Variants in GANAB observed in about 807,000 individuals in gnomAD.
GANAB encodes neutral alpha-glucosidase AB.
A neutral mutation model predicts 129.9 loss-of-function variants in GANAB; 35 were observed. That is an observed-to-expected ratio of 0.27 (90% confidence interval 0.21 to 0.36). The LOEUF is 0.36. Ranked by LOEUF, GANAB falls within the 10% of genes least tolerant of loss-of-function variation. The pLI is 1.00. For missense variants in GANAB, 939 were observed against 1,221.0 expected, an observed-to-expected ratio of 0.77 and a Z score of 3.44; for synonymous variants, 482 against 451.8, an observed-to-expected ratio of 1.07 and a Z score of -0.85.
At chr11:62,641,341 GAAAA>G (rs10629748) in intron 1 of GANAB, among the ~76,000 whole-genome samples, 1 of 109,976 alleles carries the variant, frequency 9.1e-6, no homozygotes, top group Non-Finnish European at 1.8e-5. Flanking sequence ...AAAACTCTCA[GAAAA>G]AAAAAAAAAA....
intron 1 of GANAB, among the ~76,000 whole-genome samples, chr11:62,646,172 G>GGGGCCGCA (rs1385635648): frequency 2.0e-5 from 3 of 152,196 alleles, no homozygotes; most frequent in Non-Finnish European, 2.9e-5. Context: ...GAGGGGCCGC[G>GGGGCCGCA]GGGCCGCAGG....
intron 1 of GANAB, among the ~76,000 whole-genome samples, chr11:62,643,638 A>T (rs1278496876): frequency 6.6e-6 from 1 of 152,052 alleles, no homozygotes; most frequent in Non-Finnish European, 1.5e-5. Context: ...GCGAAACACC[A>T]CCTAGAAAAA....
intron 5 of GANAB, 27 bp downstream of exon 5, chr11:62,634,794 C>A (rs978470078): frequency 6.3e-7 from 1 of 1,582,972 alleles, no homozygotes; most frequent in African/African-American, 1.3e-5. Flanking sequence ...ACACTAGGTT[C>A]CCTGCAGTCC....
At position 62,625,684 on chromosome 11, in the gene GANAB, T is replaced by C. The variant is rs1328333905; in HGVS notation, c.*131A>G. 4 of 673,326 alleles carry C rather than the reference T, an allele frequency of 5.9e-6. No homozygotes were observed. Among genetic ancestry groups the C allele is most frequent in the Non-Finnish European group, 2.7e-6 (1 of 370,006 alleles). 41.7% of individuals were successfully genotyped at this position (673,326 alleles called of 1,614,324 possible). A position where few individuals can be genotyped will look rare whatever the true frequency, so the allele number is the denominator to read the frequency against. ...GGTCAGCCCTCTCATCCTGCCCAAATGTTGGCAGAATCTGGGTCTTAGACT... is the reference window on the plus strand; with the variant it reads ...GGTCAGCCCTCTCATCCTGCCCAAACGTTGGCAGAATCTGGGTCTTAGACT... On this transcript the variant is annotated 3_prime_UTR_variant, in exon 24 of 24. Transcript: ENST00000356638.
rs775054937 is a variant in GANAB at position 62,626,678 on chromosome 11, C to A, written c.2404G>T (p.Val802Leu). Residue 802 changes from valine to leucine, a missense_variant, in exon 21 of 24, where the codon GTG (valine) becomes TTG (leucine). This residue lies in a region of GANAB where 230 missense variants were observed against 259.9 expected (regional missense o/e 0.89). Coordinates refer to ENST00000356638, the MANE Select transcript of GANAB (RefSeq NM_198334.3). ...ACGATTGTCCCTCCACGCTGGAACACAGGGATCTAGGGCAAGAGCAATGCC... is the reference window on the plus strand; with the variant it reads ...ACGATTGTCCCTCCACGCTGGAACAAAGGGATCTAGGGCAAGAGCAATGCC... ...YLPVTLSSIP[V>L]FQRGGTIVPR... 2 of 1,599,256 alleles carry A rather than the reference C, an allele frequency of 1.3e-6. No homozygotes were observed. Among genetic ancestry groups the A allele is most frequent in the East Asian group, 2.2e-5 (1 of 44,650 alleles).
chr11:62,629,379 G>A (rs1943553982), intron 15 of GANAB, 84 bp from the exon 16 acceptor site: 1 of 1,012,814 alleles, frequency 9.9e-7, no homozygotes, highest in African/African-American at 1.6e-5. Context: ...TCCGCTCTGG[G>A]TCCCCAGAAC....
At chr11:62,638,621 AGG>A (rs1465243165) in intron 4 of GANAB, among the ~76,000 whole-genome samples, 7 of 149,470 alleles carry the variant, frequency 4.7e-5, no homozygotes, top group Non-Finnish European at 7.4e-5. Flanking sequence ...GAAGGAAGGA[AGG>A]AAGGAAGGAA....
At position 62,639,430 on chromosome 11, in the gene GANAB, G is replaced by A. The variant is rs760625230; in HGVS notation, c.181C>T (p.Arg61Ter). 1.2e-6 allele frequency: 2 copies of A among 1,613,720 alleles called. No homozygotes were observed. Among genetic ancestry groups the A allele is most frequent in the Middle Eastern group, 1.7e-4 (1 of 6,060 alleles). Residue 61 changes from arginine to a stop codon, truncating the protein, a stop_gained, in exon 3 of 24, where the codon CGA becomes TGA. Transcript: ENST00000356638. LOFTEE classifies it high-confidence loss of function. ...RSIRPGLSPY[R>*]ALLDSLQLGP... ...AGCTGTAGAGAGTCCAGCAAGGCTC[G>A]GTATGGAGAGAGGCCTGGCCGTATG... is the stretch of plus-strand genomic sequence containing the variant.
Position 62,626,137 on chromosome 11 carries a change from T to C in GANAB, c.2653A>G (p.Thr885Ala), listed in dbSNP as rs201907445. 3 of 1,613,566 alleles carry C rather than the reference T, an allele frequency of 1.9e-6. No individual in the cohort carries two copies. Among genetic ancestry groups the C allele is most frequent in the Non-Finnish European group, 2.5e-6 (3 of 1,179,510 alleles). ...SSADPEGHFE[T>A]PIWIERVVII... is the part of the protein sequence containing the mutation. ...ACCACCCGCTCAATCCAGATTGGTG[T>C]CTCAAAGTGTCCTTCAGGGTCTGCT... The change falls in exon 23 of 24, where the codon ACA becomes GCA. Residue 885 changes from threonine (T) to alanine (A), a missense_variant. By Grantham distance (58) the Thr-to-Ala change is moderately conservative. This residue lies in a region of GANAB where 230 missense variants were observed against 259.9 expected (regional missense o/e 0.89). Transcript: ENST00000356638.
intron 17 of GANAB, 137 bp downstream of exon 17, chr11:62,628,632 C>G (rs933338582): frequency 9.1e-6 from 8 of 874,640 alleles, no homozygotes; most frequent in Non-Finnish European, 1.5e-5. Context: ...TTAAGCTCCC[C>G]TTCACTCTTG....
intron 16 of GANAB, 35 bp from the exon 17 acceptor site, chr11:62,629,047 GAGGGTGA>G (rs769910146): frequency 4.4e-6 from 7 of 1,607,050 alleles, no homozygotes; most frequent in Non-Finnish European, 6.0e-6. Context: ...GGTTGGAAAA[GAGGGTGA>G]AGGAGAGATA....
Position 62,626,649 on chromosome 11 carries a change from A to G in GANAB, c.2433T>C (p.Pro811=). ...PVFQRGGTIV[P]RWMRVRRSSE... is the part of the protein sequence containing the mutation. ...AAGACCGCCGCACTCGCATCCATCG[A>G]GGCACGATTGTCCCTCCACGCTGGA... The change falls in exon 21 of 24, where the codon CCT becomes CCC. Residue 811 remains proline (P), a synonymous_variant. Transcript: ENST00000356638. 6.2e-7 allele frequency: 1 copy of G among 1,610,796 alleles called. No homozygotes were observed. Among genetic ancestry groups the G allele is most frequent in the Non-Finnish European group, 8.5e-7 (1 of 1,178,252 alleles).
chr11:62,629,592 G>A lies in GANAB; in HGVS notation c.1830C>T (p.Arg610=), dbSNP rs1475910013. The A allele has an allele frequency of 4.4e-6, 7 of 1,600,214 alleles. No homozygotes were observed. Among genetic ancestry groups the A allele is most frequent in the African/African-American group, 1.3e-5 (1 of 74,568 alleles). Residue 610 remains arginine (R), a synonymous_variant, in exon 15 of 24, where the codon CGC becomes CGT. Transcript: ENST00000356638. The stretch of plus-strand genomic sequence containing the variant: ...GCTCCATTCTCTAAACCTTACCAAA[G>A]CGCTGGGAGCCAGCGAAGAAGGCCC... ...LARAFFAGSQ[R]FGAVWTGDNT...
rs781404769 is a variant in GANAB at position 62,633,451 on chromosome 11, G to A, written c.624C>T (p.Gly208=). 19 of 1,613,654 alleles carry A rather than the reference G, an allele frequency of 1.2e-5. No homozygotes were observed. The highest frequency in any genetic ancestry group is 5.5e-5 in the South Asian group (5 of 91,054). Residue 208 remains glycine (G), a synonymous_variant, in exon 6 of 24, where the codon GGC becomes GGT. Transcript: ENST00000356638. ...GAQPEETPRD[G]DKPEETQGKA... ...CCCACCCGCTCCAACTTGCCTTGTC[G>A]CCATCCCTGGGTGTTTCCTCAGGCT...
intron 21 of GANAB, 52 bp downstream of exon 21, chr11:62,626,519 G>A: frequency 6.6e-7 from 1 of 1,504,120 alleles, no homozygotes; most frequent in South Asian, 1.1e-5. Context: ...AGAGAACTGA[G>A]TCCTAGGAAG....
At position 62,627,152 on chromosome 11, in the gene GANAB, T is replaced by C; in HGVS notation, c.2246-28A>G. The C allele has an allele frequency of 3.8e-6, 6 of 1,581,214 alleles. No homozygotes were observed. The South Asian group carries it at 6.6e-5, about 17-fold the overall frequency. On this transcript the variant is annotated intron_variant, in intron 18 of 23. Coordinates refer to ENST00000356638, the MANE Select transcript of GANAB (RefSeq NM_198334.3). ...AAAATATGCCAGAATCAACTCTGAATAGGGGGATTAGTTCCCAGAACAGGG... is the reference window on the plus strand; with the variant it reads ...AAAATATGCCAGAATCAACTCTGAACAGGGGGATTAGTTCCCAGAACAGGG...
At chr11:62,644,361 C>T (rs1467404906) in intron 1 of GANAB, among the ~76,000 whole-genome samples, 1 of 151,920 alleles carries the variant, frequency 6.6e-6, no homozygotes, top group Non-Finnish European at 1.5e-5. Flanking sequence ...TAAAGTTTTA[C>T]AACCAGCCAG....
intron 3 of GANAB, 51 bp downstream of exon 3, chr11:62,639,308 C>T: frequency 7.5e-7 from 1 of 1,325,422 alleles, no homozygotes. Flanking sequence ...TTCCAAATTA[C>T]CCCACAGCCA....
chr11:62,632,466 T>C, intron 9 of GANAB, 99 bp downstream of exon 9: 1 of 933,574 alleles, frequency 1.1e-6, no homozygotes, highest in East Asian at 2.4e-5. Flanking sequence ...AGCCCCTTCT[T>C]AAACCCAGTC....
Sources: allele counts gnomAD v4.1 joint callset (sites outside exome capture counted in the v4.1 genomes callset), GRCh38; gene constraint gnomAD v4.1.1; regional missense constraint gnomAD v4.1.1; transcripts MANE v1.5; gene names NCBI Gene and HGNC (gene_info 2026-07-23, HGNC 2026-07-21).